ZSCAN25: variants seen among roughly 807,000 people sequenced by gnomAD.
ZSCAN25 encodes the protein zinc finger and SCAN domain containing 25.
A neutral mutation model predicts 38.7 loss-of-function variants in ZSCAN25; 27 were observed. That is an observed-to-expected ratio of 0.70 (90% CI 0.51 to 0.96). ZSCAN25 has a LOEUF of 0.96. Ranked by LOEUF, ZSCAN25 falls within the 40% of genes least tolerant of loss-of-function variation. The probability of loss-of-function intolerance (pLI) is 0.00; values close to 1 mark genes in which losing one functional copy is unlikely to be tolerated. For missense variants in ZSCAN25, 637 were observed against 705.9 expected (o/e 0.90, Z 1.11); for synonymous variants, 273 against 277.7 (o/e 0.98, Z 0.17).
chr7:99,711,334 A>T, the ZSCAN25 span, among the ~76,000 whole-genome samples: 1 of 152,236 alleles, frequency 6.6e-6, no homozygotes. Flanking sequence ...AATTTGCAAC[A>T]TTAATGGCTA....
chr7:99,723,878 A>G, the ZSCAN25 span, among the ~76,000 whole-genome samples: 1 of 152,178 alleles, frequency 6.6e-6, no homozygotes, highest in Non-Finnish European at 1.5e-5. Flanking sequence ...ACTCGGGAAC[A>G]GTCTTCCCTT....
the ZSCAN25 span, among the ~76,000 whole-genome samples, chr7:99,696,458 T>G: frequency 6.6e-6 from 1 of 152,160 alleles, no homozygotes; most frequent in African/African-American, 2.4e-5. Flanking sequence ...AGTCCTTATT[T>G]CTACAGATTG....
At chr7:99,634,527 C>T (rs911090373), downstream of ZSCAN25, among the ~76,000 whole-genome samples, 4 of 152,162 alleles carry the variant, frequency 2.6e-5, no homozygotes, top group East Asian at 1.9e-4. Flanking sequence ...CGGTGGCTCA[C>T]GCCTGTAATC....
chr7:99,717,490 T>G, the ZSCAN25 span: 1 of 1,611,666 alleles, frequency 6.2e-7, no homozygotes, highest in East Asian at 2.2e-5. Flanking sequence ...GATTCATTCT[T>G]TAAGTTTCTA....
the ZSCAN25 span, chr7:99,722,376 A>G: frequency 6.2e-7 from 1 of 1,611,804 alleles, no homozygotes. Context: ...ATAATATTTC[A>G]TTATTATTTT....
chr7:99,649,609 A>G, the ZSCAN25 span, among the ~76,000 whole-genome samples: 1 of 152,258 alleles, frequency 6.6e-6, no homozygotes, highest in East Asian at 1.9e-4. Context: ...GCTCTGGGTT[A>G]ATTAGTTTAG....
the ZSCAN25 span, chr7:99,663,009 C>G: frequency 6.8e-7 from 1 of 1,459,920 alleles, no homozygotes; most frequent in Non-Finnish European, 9.1e-7. Context: ...TTCTTGAAGA[C>G]GTGTTACCTG....
At chr7:99,689,139 C>G in the ZSCAN25 span, among the ~76,000 whole-genome samples, 3 of 152,108 alleles carry the variant, frequency 2.0e-5, no homozygotes, top group African/African-American at 7.2e-5. Context: ...CATTCAGAAG[C>G]TAGCAGAAGG....
chr7:99,654,082 T>TG, the ZSCAN25 span, among the ~76,000 whole-genome samples: 2,669 of 152,116 alleles, frequency 0.018, 87 homozygotes, highest in African/African-American at 0.06. Flanking sequence ...CTGAGGTTTT[T>TG]GAATTTTTTT....
chr7:99,671,615 G>T, the ZSCAN25 span: 1 of 486,264 alleles, frequency 2.1e-6, no homozygotes, highest in Non-Finnish European at 3.6e-6. Context: ...GTTACATTTT[G>T]TAAAGTGTTA....
chr7:99,642,200 T>G, the ZSCAN25 span, among the ~76,000 whole-genome samples: 1 of 152,226 alleles, frequency 6.6e-6, no homozygotes, highest in Non-Finnish European at 1.5e-5. Flanking sequence ...TCTTTGACAC[T>G]CTTTTCACCA....
At chr7:99,649,927 G>A in the ZSCAN25 span, 1 of 1,011,398 alleles carries the variant, frequency 9.9e-7, no homozygotes, top group South Asian at 1.7e-5. Context: ...CAGAACTGAA[G>A]CATCCTTAAT....
At chr7:99,709,788 G>GTGTA in the ZSCAN25 span, among the ~76,000 whole-genome samples, 60 of 150,328 alleles carry the variant, frequency 4.0e-4, no homozygotes, top group East Asian at 1.6e-3. Flanking sequence ...GTGTGTGTGT[G>GTGTA]TATATATATA....
Position 99,629,303 on chromosome 7 carries a change from C to T in ZSCAN25, c.918C>T (p.Leu306=), listed in dbSNP as rs149961438. 569 of 1,614,136 alleles carry T rather than the reference C, an allele frequency of 3.5e-4. 10 individuals carry two copies. The East Asian group carries it at 0.012, about 33-fold the overall frequency. The change falls in exon 8 of 8, where the codon CTC becomes CTT. Residue 306 remains leucine (L), a synonymous_variant. Coordinates refer to ENST00000394152, the MANE Select transcript of ZSCAN25 (RefSeq NM_145115.3). The surrounding 1 kb of genome is among the most constrained non-coding windows in gnomAD (Gnocchi z 5.6). ...AAGCCTCTCTCCAGGGCCCTGGGCT[C>T]GGAAGGGTCTGTGAGCAGGAGCCTG... ...FGEASLQGPG[L]GRVCEQEPGG...
At chr7:99,622,427 T>C (rs1807059843) in intron 5 of ZSCAN25, 122 bp from the exon 6 acceptor site, 2 of 895,538 alleles carry the variant, frequency 2.2e-6, no homozygotes, top group African/African-American at 1.6e-5. Flanking sequence ...GAAAAGGGAT[T>C]CTGTCTGGAG....
the ZSCAN25 span, among the ~76,000 whole-genome samples, chr7:99,646,878 TTATC>T: frequency 5.3e-5 from 8 of 150,982 alleles, no homozygotes; most frequent in Admixed American, 1.3e-4. Context: ...TTACATCTAA[TTATC>T]TATCAACTAT....
the ZSCAN25 span, among the ~76,000 whole-genome samples, chr7:99,687,716 T>C: frequency 1.4e-4 from 22 of 152,272 alleles, no homozygotes; most frequent in Admixed American, 1.3e-4. Context: ...GGACTCATAA[T>C]TGTCAGATTC....
the ZSCAN25 span, among the ~76,000 whole-genome samples, chr7:99,645,087 T>C: frequency 6.1e-4 from 93 of 152,210 alleles, no homozygotes; most frequent in South Asian, 2.5e-3. Context: ...GCCTCCTGGG[T>C]TCAAGCGATT....
At chr7:99,713,419 C>G in the ZSCAN25 span, 2 of 1,611,108 alleles carry the variant, frequency 1.2e-6, no homozygotes, top group Non-Finnish European at 1.7e-6. Context: ...AGAACAAAAC[C>G]TTCCCTCTGA....
Sources: allele counts gnomAD v4.1 joint callset (sites outside exome capture counted in the v4.1 genomes callset), GRCh38; gene constraint gnomAD v4.1.1; non-coding constraint Gnocchi (gnomAD v3.1); transcripts MANE v1.5; gene names NCBI Gene and HGNC (gene_info 2026-07-23, HGNC 2026-07-21).